The following TENM3 variants were observed in gnomAD, a reference collection of about 807,000 sequenced individuals.
TENM3 encodes the protein teneurin transmembrane protein 3.
A neutral mutation model predicts 255.1 loss-of-function variants in TENM3; 63 were observed. The ratio of observed to expected loss-of-function variants is 0.25; its 90% CI spans 0.20 to 0.30. The LOEUF (loss-of-function observed/expected upper bound fraction) is 0.30. TENM3 is among the 10% of genes least tolerant of loss of function. TENM3 has a pLI of 1.00. For synonymous variants in TENM3, 1,306 were observed against 1,322.3 expected, an observed-to-expected ratio of 0.99 and a Z score of 0.27; for missense variants, 2,929 against 3,461.1, an observed-to-expected ratio of 0.85 and a Z score of 3.86.
the TENM3 span, among the ~76,000 whole-genome samples, chr4:181,609,431 TTC>T: frequency 9.1e-4 from 138 of 152,346 alleles, no homozygotes; most frequent in African/African-American, 3.1e-3. Flanking sequence ...TTTTTTGCAT[TTC>T]TCTTTTAGAC....
intron 3 of TENM3, among the ~76,000 whole-genome samples, chr4:182,441,042 C>G (rs921962): frequency 0.99 from 150,879 of 152,246 alleles, 74,774 homozygotes; most frequent in Middle Eastern, 1. Context: ...CTTGGAATGG[C>G]TATGGCACGG....
At chr4:181,911,725 T>G in the TENM3 span, among the ~76,000 whole-genome samples, 2 of 152,298 alleles carry the variant, frequency 1.3e-5, no homozygotes, top group East Asian at 3.9e-4. Context: ...AATATCCTTA[T>G]GAAAATGAAC....
intron 1 of TENM3, among the ~76,000 whole-genome samples, chr4:182,167,592 G>T (rs1751804154): frequency 6.6e-6 from 1 of 152,138 alleles, no homozygotes; most frequent in African/African-American, 2.4e-5. Context: ...TTTCTTGTAG[G>T]CCTGGTGTGG....
chr4:181,944,929 C>T, the TENM3 span, among the ~76,000 whole-genome samples: 1 of 152,190 alleles, frequency 6.6e-6, no homozygotes, highest in East Asian at 2.0e-4. Context: ...GAGCCCTCCA[C>T]TTAAACTGCT....
the TENM3 span, among the ~76,000 whole-genome samples, chr4:181,796,447 G>C: frequency 2.6e-5 from 4 of 152,218 alleles, no homozygotes; most frequent in Non-Finnish European, 5.9e-5. Flanking sequence ...GATGGTCTTT[G>C]AGGATTCTGC....
At chr4:182,664,831 A>C (rs890846362) in intron 6 of TENM3, among the ~76,000 whole-genome samples, 1 of 152,186 alleles carries the variant, frequency 6.6e-6, no homozygotes, top group Non-Finnish European at 1.5e-5. Context: ...CAAATCTATG[A>C]AGGCTGAGAG....
chr4:181,577,488 G>A, the TENM3 span, among the ~76,000 whole-genome samples: 1 of 151,822 alleles, frequency 6.6e-6, no homozygotes, highest in African/African-American at 2.4e-5. Context: ...TACTCAAAGG[G>A]GGCATTTCTG....
chr4:181,634,084 C>A, the TENM3 span, among the ~76,000 whole-genome samples: 72 of 152,308 alleles, frequency 4.7e-4, no homozygotes, highest in South Asian at 0.015. Context: ...TAGCATTTGG[C>A]AATGGTCTCA....
At chr4:181,654,826 G>A in the TENM3 span, among the ~76,000 whole-genome samples, 8 of 150,642 alleles carry the variant, frequency 5.3e-5, no homozygotes, top group East Asian at 3.9e-4. Context: ...CAGATTCCTC[G>A]GCCTCACCCA....
intron 3 of TENM3, among the ~76,000 whole-genome samples, chr4:182,394,636 C>T (rs1378448711): frequency 6.6e-6 from 1 of 152,174 alleles, no homozygotes. Flanking sequence ...TCCATAGACA[C>T]TGATTATTTT....
the TENM3 span, among the ~76,000 whole-genome samples, chr4:182,053,346 A>G: frequency 1.3e-5 from 2 of 152,212 alleles, no homozygotes; most frequent in Non-Finnish European, 2.9e-5. Flanking sequence ...TGAGTAGTTG[A>G]TAAATTAACA....
chr4:181,607,834 A>G, the TENM3 span, among the ~76,000 whole-genome samples: 5 of 152,326 alleles, frequency 3.3e-5, no homozygotes, highest in South Asian at 1.0e-3. Context: ...TCAATTTATT[A>G]TAATGAGTGA....
chr4:182,714,714 C>G (rs1040551340), intron 13 of TENM3, among the ~76,000 whole-genome samples: 1 of 152,168 alleles, frequency 6.6e-6, no homozygotes, highest in Non-Finnish European at 1.5e-5. Context: ...TAACTTGATA[C>G]TCGGTTAAAA....
At chr4:182,026,517 T>C in the TENM3 span, among the ~76,000 whole-genome samples, 1 of 152,192 alleles carries the variant, frequency 6.6e-6, no homozygotes, top group African/African-American at 2.4e-5. Flanking sequence ...CGTGGGGTAT[T>C]ACCCAAGAAA....
At chr4:181,949,488 T>C in the TENM3 span, among the ~76,000 whole-genome samples, 2 of 152,160 alleles carry the variant, frequency 1.3e-5, no homozygotes, top group Admixed American at 1.3e-4. Flanking sequence ...AATCCTATTA[T>C]TTTCCTCAAA....
chr4:182,725,770 A>G (rs930765420), intron 13 of TENM3, among the ~76,000 whole-genome samples: 2 of 151,152 alleles, frequency 1.3e-5, no homozygotes, highest in Non-Finnish European at 3.0e-5. Context: ...CAAGTAGCTG[A>G]GATTACAGGC....
At chr4:182,545,935 C>T (rs1741400163) in intron 3 of TENM3, among the ~76,000 whole-genome samples, 1 of 152,148 alleles carries the variant, frequency 6.6e-6, no homozygotes, top group Non-Finnish European at 1.5e-5. Context: ...CATGAATAGC[C>T]TACTATTGAC....
chr4:182,800,541 G>A lies in TENM3; in HGVS notation c.*190G>A. On this transcript the variant is annotated 3_prime_UTR_variant, in exon 28 of 28. Coordinates refer to ENST00000511685, the MANE Select transcript of TENM3 (RefSeq NM_001080477.4). ...GACCTTAAAGGTGATCGGCTTTAAC[G>A]AATATGTTTACATATGCATAGCGCT... The A allele has an allele frequency of 1.5e-6, 1 of 656,490 alleles. No individual in the cohort carries two copies. Among genetic ancestry groups the A allele is most frequent in the South Asian group, 2.0e-5 (1 of 50,480 alleles). The allele number at this position is 656,490 out of a possible 1,614,324, so 40.7% of individuals were successfully genotyped here.
Position 182,789,035 on chromosome 4 carries a change from G to A in TENM3, c.5305-58G>A. The A allele has an allele frequency of 7.0e-7, 1 of 1,427,098 alleles. No homozygotes were observed. Among genetic ancestry groups the A allele is most frequent in the Non-Finnish European group, 9.5e-7 (1 of 1,053,694 alleles). 88.4% of individuals were successfully genotyped at this position (1,427,098 alleles called of 1,614,324 possible). ...CGTAAATGGTGTTTAAACAATACTG[G>A]GGACTCCGGTGTTGGAATAACATGA... On this transcript the variant is annotated intron_variant, in intron 24 of 27. Coordinates refer to ENST00000511685, the MANE Select transcript of TENM3 (RefSeq NM_001080477.4). The surrounding 1 kb of genome is among the most constrained non-coding windows in gnomAD (Gnocchi z 4.4).
Sources: allele counts gnomAD v4.1 joint callset (sites outside exome capture counted in the v4.1 genomes callset), GRCh38; gene constraint gnomAD v4.1.1; non-coding constraint Gnocchi (gnomAD v3.1); transcripts MANE v1.5; gene names NCBI Gene and HGNC (gene_info 2026-07-23, HGNC 2026-07-21).